DPYD: variants seen among roughly 807,000 people sequenced by gnomAD.
DPYD encodes dihydropyrimidine dehydrogenase.
A neutral mutation model predicts 116.2 loss-of-function variants in DPYD; 109 were observed. The ratio of observed to expected loss-of-function variants is 0.94; its 90% CI spans 0.80 to 1.10. The LOEUF (loss-of-function observed/expected upper bound fraction) is 1.10, where lower values mean the gene tolerates loss of function less well. Among genes scored for constraint, DPYD ranks in the 50% least tolerant of loss-of-function variants. DPYD has a pLI of 0.00. For synonymous variants in DPYD, 440 were observed against 432.0 expected (o/e 1.02, Z -0.23); for missense variants, 1,302 against 1,254.5 (o/e 1.04, Z -0.57).
intron 3 of DPYD, among the ~76,000 whole-genome samples, chr1:97,747,261 G>A (rs1290945919): frequency 6.6e-6 from 1 of 152,100 alleles, no homozygotes; most frequent in East Asian, 1.9e-4. Context: ...TTCATTAAAT[G>A]TTTTCCTGCC....
At chr1:97,438,606 G>T (rs897040393) in intron 14 of DPYD, among the ~76,000 whole-genome samples, 11 of 151,510 alleles carry the variant, frequency 7.3e-5, no homozygotes, top group Non-Finnish European at 1.2e-4. Context: ...ATTCTGACAG[G>T]GCCAAATCTA....
chr1:97,285,201 T>A (rs761616414), intron 18 of DPYD, among the ~76,000 whole-genome samples: 2 of 152,150 alleles, frequency 1.3e-5, no homozygotes, highest in African/African-American at 2.4e-5. Flanking sequence ...AAACTTGAAG[T>A]CTCTGATTCT....
intron 12 of DPYD, among the ~76,000 whole-genome samples, chr1:97,526,918 T>A (rs1251186127): frequency 6.6e-6 from 1 of 152,208 alleles, no homozygotes; most frequent in Non-Finnish European, 1.5e-5. Context: ...AAGTATTTTT[T>A]AATCACGATT....
In DPYD at chr1:97,861,953, T is replaced by C. The variant is rs541022785; in HGVS notation, c.150+21311A>G. 2.6e-5 allele frequency among the ~76,000 whole-genome samples: 4 copies of C among 152,026 alleles called. No homozygotes were observed. The South Asian group carries it at 8.3e-4, about 31-fold the overall frequency. ...ATATGTACCAGGAGAAATGTATAAA[T>C]GTAAATAAAACAAAGATGTCATAAA... On this transcript the variant is annotated intron_variant, in intron 2 of 22. Coordinates refer to ENST00000370192, the MANE Select transcript of DPYD (RefSeq NM_000110.4).
chr1:97,413,338 T>G (rs1557695440), intron 14 of DPYD, among the ~76,000 whole-genome samples: 1 of 152,222 alleles, frequency 6.6e-6, no homozygotes, highest in African/African-American at 2.4e-5. Context: ...TAAAGAACTA[T>G]TCACTACATT....
At chr1:97,507,696 C>A (rs17116806) in intron 13 of DPYD, among the ~76,000 whole-genome samples, 25,999 of 151,910 alleles carry the variant, frequency 0.17, 2,446 homozygotes, top group East Asian at 0.26. Context: ...CATTTACAGT[C>A]CTGACAATGT....
In DPYD at chr1:97,113,137, T is replaced by C. The variant is rs547807310; in HGVS notation, c.2623-14505A>G. Among the ~76,000 whole-genome samples, 341 of 152,286 alleles carry C rather than the reference T, an allele frequency of 2.2e-3. 1 individual carries two copies. The highest frequency in any genetic ancestry group is 0.014 in the South Asian group (70 of 4,830). ...TGTAATTAAATATGTGTGTGCCTAC[T>C]GTGCATATACACACATATACATACA... On this transcript the variant is annotated intron_variant, in intron 20 of 22. Transcript: ENST00000370192.
intron 12 of DPYD, chr1:97,545,976 G>C: frequency 7.6e-7 from 1 of 1,309,172 alleles, no homozygotes; most frequent in Non-Finnish European, 1.1e-6. Flanking sequence ...TGAAAAATAT[G>C]AAGAGGTTAT....
chr1:97,109,803 AAGC>A (rs1359277666), intron 20 of DPYD, among the ~76,000 whole-genome samples: 2 of 152,108 alleles, frequency 1.3e-5, no homozygotes, highest in African/African-American at 4.8e-5. Context: ...GTTCTATGCT[AAGC>A]AGCAGATTTA....
At chr1:97,228,070 C>T (rs573355891) in intron 19 of DPYD, among the ~76,000 whole-genome samples, 18 of 151,296 alleles carry the variant, frequency 1.2e-4, no homozygotes, top group African/African-American at 4.4e-4. Context: ...AATACACTTA[C>T]ATTTAACATT....
intron 20 of DPYD, among the ~76,000 whole-genome samples, chr1:97,153,014 A>G (rs1031155117): frequency 4.6e-5 from 7 of 152,132 alleles, no homozygotes; most frequent in African/African-American, 1.7e-4. Flanking sequence ...AAGGGGCTCT[A>G]TGGAGAAGCC....
chr1:97,490,209 T>C (rs1443892654), intron 13 of DPYD, among the ~76,000 whole-genome samples: 1 of 151,790 alleles, frequency 6.6e-6, no homozygotes, highest in Non-Finnish European at 1.5e-5. Flanking sequence ...TATTGACAAT[T>C]CCTTATAGTA....
chr1:97,290,878 C>G (rs1455935212), intron 18 of DPYD, among the ~76,000 whole-genome samples: 1 of 152,078 alleles, frequency 6.6e-6, no homozygotes, highest in African/African-American at 2.4e-5. Context: ...GCAAAAGAAA[C>G]TACCATCAGA....
At chr1:97,281,429 C>CAT (rs892100178) in intron 18 of DPYD, among the ~76,000 whole-genome samples, 2 of 151,474 alleles carry the variant, frequency 1.3e-5, no homozygotes. Context: ...TATGGATGTG[C>CAT]ATATATATAA....
chr1:97,410,113 C>T (rs561457202), intron 14 of DPYD, among the ~76,000 whole-genome samples: 3 of 151,368 alleles, frequency 2.0e-5, no homozygotes, highest in Admixed American at 6.6e-5. Flanking sequence ...AAACTACAAA[C>T]GACCTCCTCC....
chr1:97,554,698 G>T (rs1488711824), intron 11 of DPYD, among the ~76,000 whole-genome samples: 1 of 152,118 alleles, frequency 6.6e-6, no homozygotes, highest in Admixed American at 6.6e-5. Context: ...CAGAACCAGA[G>T]AATGCCTCCA....
intron 19 of DPYD, among the ~76,000 whole-genome samples, chr1:97,199,848 G>C (rs1659084576): frequency 6.6e-6 from 1 of 152,086 alleles, no homozygotes; most frequent in African/African-American, 2.4e-5. Context: ...ATAAAGCTTA[G>C]ACAGAATGGT....
At chr1:97,460,911 C>T (rs1255702364) in intron 13 of DPYD, among the ~76,000 whole-genome samples, 2 of 151,900 alleles carry the variant, frequency 1.3e-5, no homozygotes, top group East Asian at 3.9e-4. Flanking sequence ...GTGGCAGGCC[C>T]CTGTAATCCC....
chr1:97,510,304 C>T (rs552119839), intron 13 of DPYD, among the ~76,000 whole-genome samples: 59 of 150,536 alleles, frequency 3.9e-4, no homozygotes, highest in Non-Finnish European at 7.7e-4. Context: ...TTCAAAATTG[C>T]TATGGACAAG....
Sources: allele counts gnomAD v4.1 joint callset (sites outside exome capture counted in the v4.1 genomes callset), GRCh38; gene constraint gnomAD v4.1.1; transcripts MANE v1.5; gene names NCBI Gene and HGNC (gene_info 2026-07-23, HGNC 2026-07-21).